SPAG6: variants seen among roughly 807,000 people sequenced by gnomAD.
The protein encoded by SPAG6 is sperm-associated antigen 6.
A neutral mutation model predicts 58.5 loss-of-function variants in SPAG6; 49 were observed. That is an observed-to-expected ratio of 0.84 (90% confidence interval 0.67 to 1.06). The LOEUF (loss-of-function observed/expected upper bound fraction) is 1.06. Ranked by LOEUF, SPAG6 falls within the 50% of genes least tolerant of loss-of-function variation. The pLI is 0.00. For synonymous variants in SPAG6, 233 were observed against 225.6 expected (o/e 1.03, Z -0.29); for missense variants, 560 against 611.3 (o/e 0.92, Z 0.89).
intron 4 of SPAG6, among the ~76,000 whole-genome samples, chr10:22,371,887 G>A (rs1833706345): frequency 6.6e-6 from 1 of 151,802 alleles, no homozygotes; most frequent in African/African-American, 2.4e-5. Context: ...AGGGAACTTG[G>A]GGCTGACAAC....
At chr10:22,361,582 G>A (rs1295203486) in intron 2 of SPAG6, among the ~76,000 whole-genome samples, 2 of 152,050 alleles carry the variant, frequency 1.3e-5, no homozygotes, top group African/African-American at 4.8e-5. Flanking sequence ...TGTAATCTCA[G>A]CTACTTAAAT....
intron 8 of SPAG6, among the ~76,000 whole-genome samples, chr10:22,398,139 A>T (rs1564376951): frequency 6.6e-6 from 1 of 152,252 alleles, no homozygotes; most frequent in Admixed American, 6.5e-5. Context: ...TGCCAAGGCA[A>T]TTTAATGTGG....
chr10:22,407,658 G>A (rs1834594116), intron 9 of SPAG6, among the ~76,000 whole-genome samples: 1 of 152,062 alleles, frequency 6.6e-6, no homozygotes, highest in African/African-American at 2.4e-5. Context: ...GGCGTTCTCT[G>A]TATTTCCTGA....
intron 9 of SPAG6, among the ~76,000 whole-genome samples, chr10:22,405,363 T>A (rs1205033691): frequency 6.6e-6 from 1 of 152,172 alleles, no homozygotes; most frequent in Non-Finnish European, 1.5e-5. Flanking sequence ...TTGAATTTTG[T>A]CAAAGGCCTT....
chr10:22,355,726 A>T (rs1175138062), intron 2 of SPAG6, among the ~76,000 whole-genome samples: 1 of 152,232 alleles, frequency 6.6e-6, no homozygotes, highest in African/African-American at 2.4e-5. Flanking sequence ...CAGATATGTG[A>T]TACCAAAATT....
At chr10:22,390,665 C>T (rs1361374040) in intron 7 of SPAG6, among the ~76,000 whole-genome samples, 1 of 152,196 alleles carries the variant, frequency 6.6e-6, no homozygotes, top group Non-Finnish European at 1.5e-5. Context: ...GCACTGTCTC[C>T]TTTTCCTCCT....
intron 8 of SPAG6, among the ~76,000 whole-genome samples, chr10:22,397,593 A>G (rs938569132): frequency 8.5e-5 from 13 of 152,336 alleles, no homozygotes; most frequent in African/African-American, 3.1e-4. Context: ...CTGGGATTAG[A>G]GGTGTGAGCC....
At chr10:22,413,695 A>ATATATATATATATATATATATATATATG (rs1834800768) in intron 10 of SPAG6, among the ~76,000 whole-genome samples, 2 of 150,050 alleles carry the variant, frequency 1.3e-5, no homozygotes, top group African/African-American at 5.0e-5. Context: ...TCTGATATAT[A>ATATATATATATATATATATATATATATG]TATATATATA....
chr10:22,374,459 C>T (rs1354566801), intron 4 of SPAG6, among the ~76,000 whole-genome samples: 1 of 151,964 alleles, frequency 6.6e-6, no homozygotes, highest in Non-Finnish European at 1.5e-5. Flanking sequence ...AGTGACTATA[C>T]ATTAGAGTAA....
intron 8 of SPAG6, among the ~76,000 whole-genome samples, chr10:22,392,991 C>T (rs1172465898): frequency 6.6e-6 from 1 of 151,920 alleles, no homozygotes; most frequent in Non-Finnish European, 1.5e-5. Flanking sequence ...TAGAACTTCC[C>T]TCATATGTCT....
intron 4 of SPAG6, among the ~76,000 whole-genome samples, chr10:22,370,159 A>G (rs894445847): frequency 6.6e-6 from 1 of 152,254 alleles, no homozygotes; most frequent in Non-Finnish European, 1.5e-5. Flanking sequence ...TAATGTAAAC[A>G]TAAGTTTTTA....
chr10:22,348,711 G>A (rs891047631), intron 2 of SPAG6, among the ~76,000 whole-genome samples: 4 of 152,116 alleles, frequency 2.6e-5, no homozygotes, highest in Admixed American at 2.6e-4. Context: ...TTTTTATTGT[G>A]TTTTTTATAC....
At position 22,401,197 on chromosome 10, in the gene SPAG6, A is replaced by C. The variant is rs778826324; in HGVS notation, c.1234A>C (p.Thr412Pro). The C allele has an allele frequency of 2.5e-6, 4 of 1,603,420 alleles. No individual in the cohort carries two copies. In the Admixed American group the frequency reaches 6.7e-5, roughly 27 times the overall value. ...KAIKNILQKC[T>P]YLPALEPFLY... Reference sequence around the variant, plus strand: ...CATAAAGAATATCCTGCAAAAATGTACCTACTTACCAGCCCTTGAACCATT... The same window carrying C: ...CATAAAGAATATCCTGCAAAAATGTCCCTACTTACCAGCCCTTGAACCATT... The change falls in exon 9 of 11, where the codon ACC (threonine) becomes CCC (proline). Residue 412 changes from threonine (T) to proline (P), a missense_variant. Coordinates refer to ENST00000376624, the MANE Select transcript of SPAG6 (RefSeq NM_012443.4).
chr10:22,392,793 ACT>A (rs1834211406), intron 8 of SPAG6, among the ~76,000 whole-genome samples: 2 of 152,220 alleles, frequency 1.3e-5, no homozygotes, highest in East Asian at 3.9e-4. Context: ...CACTTAAGGG[ACT>A]CTGAAAGTTA....
At chr10:22,349,145 G>A (rs1283193523) in intron 2 of SPAG6, among the ~76,000 whole-genome samples, 1 of 152,060 alleles carries the variant, frequency 6.6e-6, no homozygotes, top group Non-Finnish European at 1.5e-5. Flanking sequence ...CGCCACGCCT[G>A]GGTAGTAAGT....
chr10:22,381,951 G>C (rs1030496202), intron 4 of SPAG6, among the ~76,000 whole-genome samples: 22 of 152,150 alleles, frequency 1.4e-4, no homozygotes, highest in African/African-American at 4.3e-4. Flanking sequence ...TCTCATGCCT[G>C]TTACTGACAG....
Position 22,345,875 on chromosome 10 carries a change from C to T in SPAG6, c.121+57C>T, listed in dbSNP as rs751809825. 6 of 1,581,876 alleles carry T rather than the reference C, an allele frequency of 3.8e-6. No homozygotes were observed. The Admixed American group carries it at 1.1e-4, about 29-fold the overall frequency. On this transcript the variant is annotated intron_variant, in intron 2 of 10. Transcript: ENST00000376624. The surrounding 1 kb of genome is among the most constrained non-coding windows in gnomAD (Gnocchi z 6.3). ...CCGCGCACTGAGTCCCCGACGCCTC[C>T]GCCCCGCTGCCCTGCCCGTGGAGCT...
At chr10:22,386,482 TAAA>T (rs11323725) in intron 4 of SPAG6, among the ~76,000 whole-genome samples, 3 of 142,242 alleles carry the variant, frequency 2.1e-5, no homozygotes, top group Non-Finnish European at 4.7e-5. Flanking sequence ...CTTACTCTCT[TAAA>T]AAAAAAAAAA....
chr10:22,381,974 T>C (rs1442460525), intron 4 of SPAG6, among the ~76,000 whole-genome samples: 2 of 152,198 alleles, frequency 1.3e-5, no homozygotes, highest in African/African-American at 4.8e-5. Context: ...CACTGCAAGC[T>C]TAGCCCTTCG....
Sources: gnomAD v4.1 joint callset for allele counts (sites outside exome capture counted in the v4.1 genomes callset) on GRCh38, gnomAD v4.1.1 for gene constraint, Gnocchi (gnomAD v3.1) non-coding constraint, MANE v1.5 for transcripts, NCBI Gene and HGNC (gene_info 2026-07-23, HGNC 2026-07-21) for gene names.